Variants in MMP26 observed in about 807,000 individuals in gnomAD.
MMP26 encodes matrix metallopeptidase 26.
Under a neutral mutation model 31.0 loss-of-function variants are expected in MMP26, and 33 were observed. The observed-to-expected ratio is 1.06, with a 90% CI of 0.81 to 1.42. MMP26 has a LOEUF of 1.42. MMP26 is among the 40% of genes most tolerant of loss of function. The pLI is 0.00. For missense variants in MMP26, 347 were observed against 316.1 expected (o/e 1.10, Z -0.74); for synonymous variants, 122 against 114.9 (o/e 1.06, Z -0.40).
intron 2 of MMP26, among the ~76,000 whole-genome samples, chr11:4,842,673 T>C (rs532304647): frequency 6.6e-6 from 1 of 152,250 alleles, no homozygotes; most frequent in East Asian, 1.9e-4. Flanking sequence ...AGCCAAAACA[T>C]ATCATTCTGC....
chr11:4,780,477 A>G (rs1008977895), intron 2 of MMP26, among the ~76,000 whole-genome samples: 1 of 150,260 alleles, frequency 6.7e-6, no homozygotes, highest in Admixed American at 6.7e-5. Context: ...TCTTTTGTAA[A>G]GTAATTGTTA....
intron 2 of MMP26, chr11:4,787,155 T>C (rs1848958861): frequency 6.5e-6 from 1 of 153,226 alleles, no homozygotes; most frequent in Admixed American, 6.5e-5. Context: ...CCCTCAGATA[T>C]GCTACCATCC....
At chr11:4,706,226 CTTTTATG>C (rs1847775065) in intron 1 of MMP26, among the ~76,000 whole-genome samples, 1 of 151,926 alleles carries the variant, frequency 6.6e-6, no homozygotes, top group Admixed American at 6.6e-5. Context: ...TTGGGTTTTT[CTTTTATG>C]TTTTATTTTT....
chr11:4,832,126 A>G (rs537612190), intron 2 of MMP26: 2 of 153,308 alleles, frequency 1.3e-5, no homozygotes, highest in South Asian at 4.1e-4. Context: ...CTAGTGACCT[A>G]TCTGTGATGT....
In MMP26 at chr11:4,822,215, G is replaced by T. The variant is rs145891231; in HGVS notation, c.-145+54874G>T. The T allele has an allele frequency of 5.7e-6, 9 of 1,587,040 alleles. No homozygotes were observed. In the African/African-American group the frequency reaches 6.7e-5, roughly 12 times the overall value. ...CTCATCAGTTTGTCTCTTGTCCATC[G>T]CTATGGCCATTCAGCACCTCCATTT... On this transcript the variant is annotated intron_variant, in intron 2 of 7. Coordinates refer to ENST00000380390, the MANE Select transcript of MMP26 (RefSeq NM_021801.5).
chr11:4,908,039 A>T, intron 2 of MMP26: 1 of 1,614,134 alleles, frequency 6.2e-7, no homozygotes, highest in Non-Finnish European at 8.5e-7. Context: ...CTTGAAGACT[A>T]TACTCAGCAT....
chr11:4,809,808 G>T (rs932355545), intron 2 of MMP26, among the ~76,000 whole-genome samples: 1 of 152,110 alleles, frequency 6.6e-6, no homozygotes, highest in Middle Eastern at 3.2e-3. Context: ...ATTGAGTTAG[G>T]CCATTGCATT....
intron 2 of MMP26, among the ~76,000 whole-genome samples, chr11:4,824,131 G>A (rs1334106532): frequency 1.3e-5 from 2 of 151,986 alleles, no homozygotes; most frequent in African/African-American, 2.4e-5. Context: ...TTGTGGGGGA[G>A]ACCAAGACTC....
At chr11:4,784,243 A>G (rs970700117) in intron 2 of MMP26, among the ~76,000 whole-genome samples, 6 of 152,178 alleles carry the variant, frequency 3.9e-5, no homozygotes, top group South Asian at 2.1e-4. Flanking sequence ...TGGCTTTTCC[A>G]TGACACAGCT....
intron 1 of MMP26, among the ~76,000 whole-genome samples, chr11:4,737,563 A>C (rs1289035222): frequency 6.6e-6 from 1 of 152,178 alleles, no homozygotes; most frequent in East Asian, 1.9e-4. Context: ...GAATCGCTTG[A>C]ACCCGGGAGG....
chr11:4,730,891 A>G (rs988478261), intron 1 of MMP26, among the ~76,000 whole-genome samples: 1 of 152,166 alleles, frequency 6.6e-6, no homozygotes, highest in African/African-American at 2.4e-5. Flanking sequence ...AAAATATTGC[A>G]TCTTTCATTT....
intron 2 of MMP26, among the ~76,000 whole-genome samples, chr11:4,773,772 A>G (rs1848756888): frequency 6.6e-6 from 1 of 151,846 alleles, no homozygotes; most frequent in Non-Finnish European, 1.5e-5. Context: ...TATTTTTCCT[A>G]ATACTCTCCC....
intron 2 of MMP26, among the ~76,000 whole-genome samples, chr11:4,931,939 C>T (rs1851353551): frequency 6.6e-6 from 1 of 152,032 alleles, no homozygotes; most frequent in Non-Finnish European, 1.5e-5. Context: ...GAAGCTAGCA[C>T]ACGTTCGGTT....
At chr11:4,763,082 A>G (rs979900835) in intron 1 of MMP26, among the ~76,000 whole-genome samples, 3 of 152,210 alleles carry the variant, frequency 2.0e-5, no homozygotes, top group African/African-American at 7.2e-5. Context: ...TCTTACATCT[A>G]TGTTGAAAAT....
At chr11:4,940,503 G>C (rs1481565527) in intron 2 of MMP26, among the ~76,000 whole-genome samples, 1 of 152,174 alleles carries the variant, frequency 6.6e-6, no homozygotes, top group Non-Finnish European at 1.5e-5. Context: ...TTTTAAATCA[G>C]TGTGATACTT....
chr11:4,801,171 A>C (rs1057077632), intron 2 of MMP26, among the ~76,000 whole-genome samples: 6 of 152,172 alleles, frequency 3.9e-5, no homozygotes, highest in Admixed American at 3.9e-4. Flanking sequence ...TCTTCTTCTG[A>C]GTTCTCTGAA....
chr11:4,713,528 T>G (rs1043305914), intron 1 of MMP26, among the ~76,000 whole-genome samples: 2 of 152,144 alleles, frequency 1.3e-5, no homozygotes, highest in Non-Finnish European at 2.9e-5. Context: ...ACACTGAGTT[T>G]TATGTCTGTT....
intron 2 of MMP26, among the ~76,000 whole-genome samples, chr11:4,920,022 G>C (rs975332758): frequency 1.3e-5 from 2 of 149,930 alleles, no homozygotes; most frequent in Non-Finnish European, 3.0e-5. Context: ...GAACTGAAAA[G>C]GAGTTTTTAT....
At chr11:4,797,538 A>G (rs1849124349) in intron 2 of MMP26, among the ~76,000 whole-genome samples, 1 of 152,190 alleles carries the variant, frequency 6.6e-6, no homozygotes, top group Non-Finnish European at 1.5e-5. Context: ...TGGTTTAAAC[A>G]TCCACTGAGC....
Sources: allele counts gnomAD v4.1 joint callset (sites outside exome capture counted in the v4.1 genomes callset), GRCh38; gene constraint gnomAD v4.1.1; transcripts MANE v1.5; gene names NCBI Gene and HGNC (gene_info 2026-07-23, HGNC 2026-07-21).